The following PLPP1 variants were observed in gnomAD, a reference collection of about 807,000 sequenced individuals.
PLPP1 encodes phospholipid phosphatase 1, also known as lipid phosphate phosphohydrolase 1a.
PLPP1 carries 24 observed loss-of-function variants against 31.2 expected under a neutral mutation model. The ratio of observed to expected loss-of-function variants is 0.77; its 90% confidence interval spans 0.56 to 1.08. PLPP1 has a LOEUF of 1.08. Ranked by LOEUF, PLPP1 falls within the 50% of genes least tolerant of loss-of-function variation. The pLI is 0.00. For missense variants in PLPP1, 319 were observed against 342.7 expected (o/e 0.93, Z 0.55); for synonymous variants, 146 against 126.3 (o/e 1.16, Z -1.05).
At chr5:55,530,353 A>G (rs1468525645) in intron 1 of PLPP1, 6 of 1,374,948 alleles carry the variant, frequency 4.4e-6, no homozygotes, top group African/African-American at 1.4e-5. Context: ...ATCTGAAATA[A>G]GTGATTACTG....
At chr5:55,455,924 A>G (rs1437372184) in intron 3 of PLPP1, among the ~76,000 whole-genome samples, 2 of 152,202 alleles carry the variant, frequency 1.3e-5, no homozygotes, top group Non-Finnish European at 2.9e-5. Context: ...TGAACCATTA[A>G]AATTTAAGGG....
chr5:55,523,441 A>C (rs1413913571), intron 1 of PLPP1, among the ~76,000 whole-genome samples: 1 of 152,040 alleles, frequency 6.6e-6, no homozygotes, highest in African/African-American at 2.4e-5. Context: ...AATCCTCAAA[A>C]ATGCACTTCC....
At chr5:55,501,351 A>G (rs1395601908) in intron 1 of PLPP1, among the ~76,000 whole-genome samples, 1 of 152,110 alleles carries the variant, frequency 6.6e-6, no homozygotes, top group Non-Finnish European at 1.5e-5. Flanking sequence ...AAAAACACAA[A>G]GCAGTAAAAA....
intron 3 of PLPP1, among the ~76,000 whole-genome samples, chr5:55,451,265 T>A (rs1751886008): frequency 6.6e-6 from 1 of 152,158 alleles, no homozygotes; most frequent in African/African-American, 2.4e-5. Flanking sequence ...ACAAAAAAAA[T>A]TTGTTTTAAT....
intron 1 of PLPP1, among the ~76,000 whole-genome samples, chr5:55,478,702 G>T (rs1752608688): frequency 6.6e-6 from 1 of 152,132 alleles, no homozygotes; most frequent in African/African-American, 2.4e-5. Flanking sequence ...GGCAGGTCAG[G>T]AGACAGTGAC....
At chr5:55,450,363 T>C (rs1317886317) in intron 3 of PLPP1, among the ~76,000 whole-genome samples, 1 of 152,184 alleles carries the variant, frequency 6.6e-6, no homozygotes, top group Non-Finnish European at 1.5e-5. Context: ...ACAGTAGGTA[T>C]GTGTGTAGGG....
chr5:55,507,745 TAGTGAATCC>T (rs1203605451), intron 1 of PLPP1, among the ~76,000 whole-genome samples: 1 of 152,138 alleles, frequency 6.6e-6, no homozygotes, highest in Non-Finnish European at 1.5e-5. Flanking sequence ...CACCTGGTCT[TAGTGAATCC>T]AGCAGGCTCT....
At chr5:55,510,734 T>G (rs1380268370) in intron 1 of PLPP1, among the ~76,000 whole-genome samples, 2 of 106,258 alleles carry the variant, frequency 1.9e-5, no homozygotes, top group East Asian at 5.1e-4. Flanking sequence ...CTGGACAGAG[T>G]TGGGTAGTCA....
At chr5:55,492,216 T>A (rs1438284266) in intron 1 of PLPP1, among the ~76,000 whole-genome samples, 1 of 152,102 alleles carries the variant, frequency 6.6e-6, no homozygotes, top group Non-Finnish European at 1.5e-5. Flanking sequence ...GGAAGACAAA[T>A]TTGTATAAAA....
In PLPP1 at chr5:55,424,878, A is replaced by T; in HGVS notation, c.*328T>A. On this transcript the variant is annotated 3_prime_UTR_variant, in exon 6 of 6. Coordinates refer to ENST00000307259, the MANE Select transcript of PLPP1 (RefSeq NM_003711.4). ...ATTTGGTTCTCCCATACATTTTAATATGTATTATATTTAAATCAAACATCA... is the reference window on the plus strand; with the variant it reads ...ATTTGGTTCTCCCATACATTTTAATTTGTATTATATTTAAATCAAACATCA... The T allele has an allele frequency of 1.3e-6, 1 of 750,844 alleles. No individual in the cohort carries two copies. Among genetic ancestry groups the T allele is most frequent in the East Asian group, 2.7e-5 (1 of 37,608 alleles). The allele number at this position is 750,844 out of a possible 1,614,324, so 46.5% of individuals were successfully genotyped here. A position where few individuals can be genotyped will look rare whatever the true frequency, so the allele number is the denominator to read the frequency against.
At chr5:55,492,602 A>G (rs1752918175) in intron 1 of PLPP1, among the ~76,000 whole-genome samples, 1 of 152,184 alleles carries the variant, frequency 6.6e-6, no homozygotes. Flanking sequence ...ATTTAGTGGT[A>G]GAGGGAGGCA....
rs370410615 is a variant in PLPP1, at chr5:55,445,650, T to C, written c.492-3742A>G. 1.1e-4 allele frequency among the ~76,000 whole-genome samples: 17 copies of C among 149,524 alleles called. No individual in the cohort carries two copies. In the East Asian group the frequency reaches 1.5e-3, roughly 13 times the overall value. On this transcript the variant is annotated intron_variant, in intron 3 of 5. Coordinates refer to ENST00000307259, the MANE Select transcript of PLPP1 (RefSeq NM_003711.4). ...ACCTCCGCCTCCTGGGTTCAAGCAA[T>C]TCTCCTGCCTCAGCCTCCCAAGTAG...
chr5:55,526,916 A>C (rs1363199742), intron 1 of PLPP1, among the ~76,000 whole-genome samples: 3 of 122,216 alleles, frequency 2.5e-5, no homozygotes, highest in Admixed American at 1.1e-4. Flanking sequence ...TGGGCGACAG[A>C]GCGAGATTCC....
At chr5:55,446,587 T>A (rs1273198564) in intron 3 of PLPP1, among the ~76,000 whole-genome samples, 1 of 152,204 alleles carries the variant, frequency 6.6e-6, no homozygotes, top group Non-Finnish European at 1.5e-5. Context: ...TATATTAGAA[T>A]GAAGTCATTA....
chr5:55,475,877 G>A (rs1752538363), intron 1 of PLPP1, among the ~76,000 whole-genome samples: 1 of 152,082 alleles, frequency 6.6e-6, no homozygotes, highest in Non-Finnish European at 1.5e-5. Context: ...CATTGTCACT[G>A]GCTAAGCTAT....
intron 1 of PLPP1, chr5:55,491,170 G>T (rs1417108658): frequency 5.1e-6 from 8 of 1,557,958 alleles, no homozygotes; most frequent in Non-Finnish European, 7.0e-6. Context: ...ACTTCATTAG[G>T]AAGTAAAGTC....
At chr5:55,527,396 T>C (rs1740495190) in intron 1 of PLPP1, among the ~76,000 whole-genome samples, 1 of 152,216 alleles carries the variant, frequency 6.6e-6, no homozygotes, top group Admixed American at 6.5e-5. Context: ...CCATTGACTT[T>C]GATTTGGCAT....
At chr5:55,518,746 C>A (rs1020045707) in intron 1 of PLPP1, among the ~76,000 whole-genome samples, 32 of 152,198 alleles carry the variant, frequency 2.1e-4, no homozygotes, top group African/African-American at 7.7e-4. Context: ...CCTTGTCTTA[C>A]TACCTGAATC....
At chr5:55,497,938 C>T (rs140122171) in intron 1 of PLPP1, among the ~76,000 whole-genome samples, 62 of 152,150 alleles carry the variant, frequency 4.1e-4, no homozygotes, top group African/African-American at 1.4e-3. Context: ...TGTCCAAACC[C>T]ATCTAGAAGC....
Sources: allele counts gnomAD v4.1 joint callset (sites outside exome capture counted in the v4.1 genomes callset), GRCh38; gene constraint gnomAD v4.1.1; transcripts MANE v1.5; gene names NCBI Gene and HGNC (gene_info 2026-07-23, HGNC 2026-07-21).